Variants in ZCCHC7 observed in about 807,000 individuals in gnomAD.
ZCCHC7 encodes the protein zinc finger CCHC-type containing 7.
A neutral mutation model predicts 52.0 loss-of-function variants in ZCCHC7; 35 were observed. The ratio of observed to expected loss-of-function variants is 0.67; its 90% CI spans 0.51 to 0.89. The LOEUF (loss-of-function observed/expected upper bound fraction) is 0.89. Among genes scored for constraint, ZCCHC7 ranks in the 40% least tolerant of loss-of-function variants. The pLI, the probability that ZCCHC7 is intolerant of heterozygous loss-of-function variation, is 0.00. For synonymous variants in ZCCHC7, 217 were observed against 221.5 expected (o/e 0.98, Z 0.18); for missense variants, 574 against 649.1 (o/e 0.88, Z 1.26).
At chr9:37,206,841 C>T (rs1022062505) in intron 2 of ZCCHC7, among the ~76,000 whole-genome samples, 3 of 152,114 alleles carry the variant, frequency 2.0e-5, no homozygotes, top group African/African-American at 7.2e-5. Flanking sequence ...TTTCCTTTCT[C>T]TCCAGGATCA....
At chr9:37,283,393 C>T (rs190177028) in intron 2 of ZCCHC7, among the ~76,000 whole-genome samples, 1 of 152,286 alleles carries the variant, frequency 6.6e-6, no homozygotes, top group Non-Finnish European at 1.5e-5. Flanking sequence ...TACATATCTA[C>T]ATCTAACTAT....
At chr9:37,184,715 TTGTTG>T (rs1464022591) in intron 2 of ZCCHC7, among the ~76,000 whole-genome samples, 1 of 151,908 alleles carries the variant, frequency 6.6e-6, no homozygotes, top group East Asian at 1.9e-4. Flanking sequence ...GTTGTTGTTG[TTGTTG>T]AAGTTCAGGC....
chr9:37,281,118 G>A (rs1485109804), intron 2 of ZCCHC7, among the ~76,000 whole-genome samples: 3 of 151,986 alleles, frequency 2.0e-5, no homozygotes, highest in African/African-American at 7.2e-5. Flanking sequence ...TAGTTCCTAA[G>A]GTCCCTCCTG....
intron 2 of ZCCHC7, among the ~76,000 whole-genome samples, chr9:37,214,970 G>C (rs1370369963): frequency 6.6e-6 from 1 of 151,998 alleles, no homozygotes; most frequent in South Asian, 2.1e-4. Context: ...ACTTTATTTT[G>C]TAGATTAAAG....
At chr9:37,356,717 A>G (rs1018500693) in intron 8 of ZCCHC7, 118 bp from the exon 9 acceptor site, 32 of 926,144 alleles carry the variant, frequency 3.5e-5, no homozygotes, top group Admixed American at 9.5e-5. Context: ...GAGTGATGTC[A>G]TACTGTTAAC....
intron 2 of ZCCHC7, among the ~76,000 whole-genome samples, chr9:37,279,496 T>C (rs1827846939): frequency 6.6e-6 from 1 of 151,784 alleles, no homozygotes; most frequent in Non-Finnish European, 1.5e-5. Context: ...ATTAAATTAC[T>C]CCAAAGGACG....
chr9:37,167,214 T>C (rs912048665), intron 2 of ZCCHC7, among the ~76,000 whole-genome samples: 1 of 152,048 alleles, frequency 6.6e-6, no homozygotes, highest in African/African-American at 2.4e-5. Flanking sequence ...TTCTGCAGTG[T>C]CTATTCTGTC....
chr9:37,228,790 T>C (rs1825248442), intron 2 of ZCCHC7, among the ~76,000 whole-genome samples: 1 of 151,538 alleles, frequency 6.6e-6, no homozygotes, highest in South Asian at 2.1e-4. Context: ...TGCATACTTC[T>C]ACCCAATCAC....
At chr9:37,279,898 T>C (rs1356939107) in intron 2 of ZCCHC7, among the ~76,000 whole-genome samples, 2 of 152,078 alleles carry the variant, frequency 1.3e-5, no homozygotes, top group Non-Finnish European at 2.9e-5. Context: ...CTTAAGCCTG[T>C]AATCCCAGCA....
At chr9:37,248,074 C>A (rs1301934738) in intron 2 of ZCCHC7, among the ~76,000 whole-genome samples, 1 of 151,760 alleles carries the variant, frequency 6.6e-6, no homozygotes, top group Non-Finnish European at 1.5e-5. Context: ...ACTCTTTTAT[C>A]TAGGTATGAA....
intron 2 of ZCCHC7, among the ~76,000 whole-genome samples, chr9:37,158,039 T>TCA (rs1364912324): frequency 6.6e-6 from 1 of 152,246 alleles, no homozygotes; most frequent in Non-Finnish European, 1.5e-5. Context: ...AGGATGTACT[T>TCA]CAACTGGTTG....
At chr9:37,298,386 T>G (rs543705497) in intron 2 of ZCCHC7, among the ~76,000 whole-genome samples, 1 of 152,254 alleles carries the variant, frequency 6.6e-6, no homozygotes, top group South Asian at 2.1e-4. Flanking sequence ...TATATCAATA[T>G]CATCACCAGA....
intron 2 of ZCCHC7, among the ~76,000 whole-genome samples, chr9:37,198,315 C>G (rs932563638): frequency 2.6e-5 from 4 of 152,178 alleles, no homozygotes; most frequent in Admixed American, 6.5e-5. Context: ...CAGAATGTTA[C>G]AACCAGAGTA....
chr9:37,134,815 T>A (rs1469446227), intron 2 of ZCCHC7, among the ~76,000 whole-genome samples: 2 of 152,182 alleles, frequency 1.3e-5, no homozygotes, highest in East Asian at 1.9e-4. Flanking sequence ...AACTTCCGCC[T>A]CCCGGGTTCA....
At chr9:37,285,479 G>T (rs905108973) in intron 2 of ZCCHC7, among the ~76,000 whole-genome samples, 1 of 151,520 alleles carries the variant, frequency 6.6e-6, no homozygotes, top group East Asian at 1.9e-4. Flanking sequence ...TTCTATATTG[G>T]TTGTACTGTA....
At chr9:37,328,351 T>C (rs1343023983) in intron 6 of ZCCHC7, among the ~76,000 whole-genome samples, 2 of 152,076 alleles carry the variant, frequency 1.3e-5, no homozygotes, top group African/African-American at 2.4e-5. Flanking sequence ...ATCTGCTTAA[T>C]ACCATTCAAG....
At position 37,206,805 on chromosome 9, in the gene ZCCHC7, T is replaced by C. The variant is rs528300512; in HGVS notation, c.610+79863T>C. Among the ~76,000 whole-genome samples, 5 of 152,240 alleles carry C rather than the reference T, an allele frequency of 3.3e-5. No homozygotes were observed. In the South Asian group the frequency reaches 1.0e-3, roughly 32 times the overall value. On this transcript the variant is annotated intron_variant, in intron 2 of 8. Coordinates refer to ENST00000336755, the MANE Select transcript of ZCCHC7 (RefSeq NM_032226.3). ...CCCTTACAAGGTGGCCAGGAAACCT[T>C]CTCAATGTAAGATTCAACTTACCTA...
At chr9:37,231,797 G>T (rs1439054951) in intron 2 of ZCCHC7, among the ~76,000 whole-genome samples, 1 of 152,170 alleles carries the variant, frequency 6.6e-6, no homozygotes, top group African/African-American at 2.4e-5. Flanking sequence ...GAGGAAGCTG[G>T]AAGACTTAGT....
intron 1 of ZCCHC7, among the ~76,000 whole-genome samples, chr9:37,125,154 C>T (rs1028639359): frequency 1.3e-5 from 2 of 151,528 alleles, no homozygotes; most frequent in Non-Finnish European, 2.9e-5. Context: ...CTGGCCCACC[C>T]TTGTTTTATT....
Sources: gnomAD v4.1 joint callset for allele counts (sites outside exome capture counted in the v4.1 genomes callset) on GRCh38, gnomAD v4.1.1 for gene constraint, MANE v1.5 for transcripts, NCBI Gene and HGNC (gene_info 2026-07-23, HGNC 2026-07-21) for gene names.